Variants in CTNNA3 observed in about 807,000 individuals in gnomAD.
CTNNA3 encodes the protein catenin alpha-3.
Under a neutral mutation model 95.7 loss-of-function variants are expected in CTNNA3, and 76 were observed. That is an observed-to-expected ratio of 0.79 (90% CI 0.66 to 0.96). The LOEUF (loss-of-function observed/expected upper bound fraction) is 0.96. Ranked by LOEUF, CTNNA3 falls within the 40% of genes least tolerant of loss-of-function variation. The pLI, the probability that CTNNA3 is intolerant of heterozygous loss-of-function variation, is 0.00. For synonymous variants in CTNNA3, 431 were observed against 374.4 expected, an observed-to-expected ratio of 1.15 and a Z score of -1.74; for missense variants, 1,191 against 1,089.8, an observed-to-expected ratio of 1.09 and a Z score of -1.31.
intron 15 of CTNNA3, among the ~76,000 whole-genome samples, chr10:66,040,295 A>T (rs2079658458): frequency 6.6e-6 from 1 of 152,120 alleles, no homozygotes; most frequent in Non-Finnish European, 1.5e-5. Context: ...AAATTAGTGC[A>T]AGTATTATGG....
At chr10:66,042,515 G>A (rs1438277824) in intron 15 of CTNNA3, among the ~76,000 whole-genome samples, 1 of 152,080 alleles carries the variant, frequency 6.6e-6, no homozygotes, top group East Asian at 1.9e-4. Flanking sequence ...AGGTTAAAAT[G>A]AAGGGAAAGG....
chr10:67,287,532 C>A (rs898685764), intron 5 of CTNNA3, among the ~76,000 whole-genome samples: 3 of 152,100 alleles, frequency 2.0e-5, no homozygotes, highest in African/African-American at 7.2e-5. Flanking sequence ...ACTCCTTATG[C>A]ACATATTTCT....
At chr10:67,379,273 T>C (rs949271858) in intron 5 of CTNNA3, among the ~76,000 whole-genome samples, 1 of 152,200 alleles carries the variant, frequency 6.6e-6, no homozygotes, top group Non-Finnish European at 1.5e-5. Flanking sequence ...TGCCTGTGTT[T>C]CAGCTCTAGC....
chr10:66,545,101 TTC>T (rs1183073152), intron 10 of CTNNA3, among the ~76,000 whole-genome samples: 1 of 152,100 alleles, frequency 6.6e-6, no homozygotes, highest in Non-Finnish European at 1.5e-5. Flanking sequence ...ATATTTTATC[TTC>T]TTTTAAGCTT....
intron 14 of CTNNA3, among the ~76,000 whole-genome samples, chr10:66,101,009 T>C (rs1255553347): frequency 2.0e-5 from 3 of 152,136 alleles, no homozygotes; most frequent in Admixed American, 6.6e-5. Context: ...GAGCCTTAAT[T>C]TTAACAAAAT....
At chr10:66,483,647 A>T (rs1839621298) in intron 11 of CTNNA3, among the ~76,000 whole-genome samples, 1 of 152,170 alleles carries the variant, frequency 6.6e-6, no homozygotes, top group Non-Finnish European at 1.5e-5. Context: ...GATGTAATGT[A>T]CATGATATTG....
chr10:67,084,704 G>T (rs1457885285), intron 7 of CTNNA3, among the ~76,000 whole-genome samples: 1 of 151,734 alleles, frequency 6.6e-6, no homozygotes, highest in East Asian at 1.9e-4. Context: ...AATAGAATGA[G>T]AAATAATAAA....
At chr10:66,952,805 G>A (rs1322104764) in intron 7 of CTNNA3, among the ~76,000 whole-genome samples, 1 of 151,626 alleles carries the variant, frequency 6.6e-6, no homozygotes, top group African/African-American at 2.4e-5. Context: ...TTGAAAATTA[G>A]CCCTGCTTGT....
chr10:66,532,051 T>C (rs1841483657), intron 10 of CTNNA3, among the ~76,000 whole-genome samples: 1 of 152,136 alleles, frequency 6.6e-6, no homozygotes, highest in Non-Finnish European at 1.5e-5. Context: ...GTCAGAAACA[T>C]CTACAAAGTT....
At chr10:65,991,446 G>A (rs1395611862) in intron 15 of CTNNA3, among the ~76,000 whole-genome samples, 1 of 151,376 alleles carries the variant, frequency 6.6e-6, no homozygotes, top group African/African-American at 2.4e-5. Context: ...TTCCACCAGT[G>A]TTTTATAGTT....
chr10:66,575,495 C>T (rs558478256), intron 10 of CTNNA3, among the ~76,000 whole-genome samples: 1 of 152,100 alleles, frequency 6.6e-6, no homozygotes, highest in Admixed American at 6.5e-5. Flanking sequence ...ATTTTTTGAG[C>T]CCTCACCATG....
intron 7 of CTNNA3, among the ~76,000 whole-genome samples, chr10:66,820,060 CAAA>C (rs71035186): frequency 8.6e-6 from 1 of 116,140 alleles, no homozygotes. Context: ...GTGATAATAG[CAAA>C]AAAAAAAAAA....
intron 2 of CTNNA3, among the ~76,000 whole-genome samples, chr10:67,612,916 C>T (rs879811910): frequency 3.9e-5 from 6 of 152,164 alleles, no homozygotes; most frequent in African/African-American, 7.2e-5. Flanking sequence ...TTTCATGAAG[C>T]GTCTTCTGAG....
At chr10:66,337,587 C>A (rs542342283) in intron 12 of CTNNA3, among the ~76,000 whole-genome samples, 1 of 152,006 alleles carries the variant, frequency 6.6e-6, no homozygotes, top group African/African-American at 2.4e-5. Context: ...GATTCTTAAT[C>A]ATTACCCTGG....
At chr10:66,057,236 A>C (rs2080105852) in intron 15 of CTNNA3, among the ~76,000 whole-genome samples, 3 of 152,100 alleles carry the variant, frequency 2.0e-5, no homozygotes, top group South Asian at 2.1e-4. Flanking sequence ...GTATGTTCTC[A>C]TTCTGTTTAT....
intron 5 of CTNNA3, among the ~76,000 whole-genome samples, chr10:67,383,341 C>G (rs528501447): frequency 6.6e-6 from 1 of 152,106 alleles, no homozygotes; most frequent in Admixed American, 6.5e-5. Context: ...GCATTACATG[C>G]GTAATGCTAT....
At chr10:65,930,290 G>A (rs757620974) in intron 17 of CTNNA3, among the ~76,000 whole-genome samples, 55 of 151,144 alleles carry the variant, frequency 3.6e-4, no homozygotes, top group Non-Finnish European at 5.7e-4. Context: ...TATAGGCAAC[G>A]GAAAAACTAA....
At chr10:67,286,092 T>A (rs1462891571) in intron 5 of CTNNA3, among the ~76,000 whole-genome samples, 1 of 152,178 alleles carries the variant, frequency 6.6e-6, no homozygotes, top group African/African-American at 2.4e-5. Flanking sequence ...GTATGCTGGT[T>A]TCTAGAAATA....
chr10:67,282,372 T>C (rs1466818306), intron 5 of CTNNA3, among the ~76,000 whole-genome samples: 4 of 152,010 alleles, frequency 2.6e-5, no homozygotes, highest in East Asian at 1.9e-4. Context: ...TATACTCCCA[T>C]GGGAACACAA....
Sources: allele counts gnomAD v4.1 joint callset (sites outside exome capture counted in the v4.1 genomes callset), GRCh38; gene constraint gnomAD v4.1.1; transcripts MANE v1.5; gene names NCBI Gene and HGNC (gene_info 2026-07-23, HGNC 2026-07-21).